Variants in GRM7 observed in about 807,000 individuals in gnomAD.
GRM7 encodes metabotropic glutamate receptor 7.
A neutral mutation model predicts 84.5 loss-of-function variants in GRM7; 35 were observed. The observed-to-expected ratio is 0.41, with a 90% confidence interval of 0.32 to 0.55. GRM7 has a LOEUF of 0.55. Ranked by LOEUF, GRM7 falls within the 20% of genes least tolerant of loss-of-function variation. The pLI, the probability that GRM7 is intolerant of heterozygous loss-of-function variation, is 0.19. For synonymous variants in GRM7, 487 were observed against 455.1 expected, an observed-to-expected ratio of 1.07 and a Z score of -0.89; for missense variants, 1,003 against 1,194.6, an observed-to-expected ratio of 0.84 and a Z score of 2.36.
chr3:7,533,517 T>C (rs1039996891), intron 7 of GRM7, among the ~76,000 whole-genome samples: 1 of 152,184 alleles, frequency 6.6e-6, no homozygotes, highest in Admixed American at 6.5e-5. Context: ...GGATGTTAGG[T>C]GCTTAAGGGC....
At chr3:7,649,401 T>C (rs13321020) in intron 8 of GRM7, among the ~76,000 whole-genome samples, 20,708 of 152,116 alleles carry the variant, frequency 0.14, 2,032 homozygotes, top group African/African-American at 0.28. Context: ...ATTCAAATTT[T>C]CTTTAAGTTA....
intron 3 of GRM7, among the ~76,000 whole-genome samples, chr3:7,304,083 G>A (rs942621675): frequency 9.2e-5 from 14 of 152,108 alleles, no homozygotes; most frequent in African/African-American, 3.4e-4. Flanking sequence ...ATCATACGTG[G>A]TAAAGAAGTG....
chr3:7,251,461 A>T (rs1408296711), intron 2 of GRM7, among the ~76,000 whole-genome samples: 1 of 152,224 alleles, frequency 6.6e-6, no homozygotes, highest in Non-Finnish European at 1.5e-5. Context: ...GAAAATATGC[A>T]TAAAAATACA....
intron 8 of GRM7, among the ~76,000 whole-genome samples, chr3:7,594,540 C>T (rs192755386): frequency 4.5e-4 from 69 of 152,200 alleles, no homozygotes; most frequent in Non-Finnish European, 5.9e-4. Context: ...ATTTGTTTTT[C>T]ACCATCCTCT....
chr3:7,131,596 G>A (rs1168054048), intron 1 of GRM7, among the ~76,000 whole-genome samples: 6 of 151,710 alleles, frequency 4.0e-5, no homozygotes, highest in African/African-American at 1.2e-4. Context: ...CTCCTGCCTC[G>A]GCCTCCTGAG....
chr3:7,577,123 C>T (rs1464138670), intron 7 of GRM7, among the ~76,000 whole-genome samples: 3 of 152,146 alleles, frequency 2.0e-5, no homozygotes, highest in Non-Finnish European at 2.9e-5. Context: ...CAGAAAAAGT[C>T]AAGAAATTAA....
At chr3:7,399,200 TAATAATAATAATAA>T (rs1437529885) in intron 4 of GRM7, among the ~76,000 whole-genome samples, 13 of 148,434 alleles carry the variant, frequency 8.8e-5, no homozygotes, top group African/African-American at 3.3e-4. Context: ...ATAATAATAA[TAATAATAATAATAA>T]AATGTCCTCA....
At chr3:7,225,706 T>A (rs985801919) in intron 2 of GRM7, among the ~76,000 whole-genome samples, 1 of 151,810 alleles carries the variant, frequency 6.6e-6, no homozygotes, top group African/African-American at 2.4e-5. Context: ...AGTTTGCTTG[T>A]ACATTAAGTA....
intron 1 of GRM7, among the ~76,000 whole-genome samples, chr3:7,085,052 A>T (rs1698405094): frequency 6.6e-6 from 1 of 152,128 alleles, no homozygotes; most frequent in African/African-American, 2.4e-5. Flanking sequence ...TCCATATCTG[A>T]TTTAATAGCT....
intron 3 of GRM7, among the ~76,000 whole-genome samples, chr3:7,300,123 A>G (rs1426250223): frequency 6.6e-6 from 1 of 152,166 alleles, no homozygotes; most frequent in African/African-American, 2.4e-5. Flanking sequence ...ATTGATGTGA[A>G]AGAGCTGTTT....
intron 2 of GRM7, among the ~76,000 whole-genome samples, chr3:7,241,270 G>A (rs868624954): frequency 5.5e-4 from 84 of 152,170 alleles, no homozygotes; most frequent in Middle Eastern, 3.2e-3. Flanking sequence ...GGATAAGGGT[G>A]TCTATATGGA....
At chr3:7,547,654 A>G (rs2125022074) in intron 7 of GRM7, among the ~76,000 whole-genome samples, 1 of 152,312 alleles carries the variant, frequency 6.6e-6, no homozygotes, top group South Asian at 2.1e-4. Flanking sequence ...AGATATCAGT[A>G]ATTTTTAAAG....
chr3:6,887,692 C>T lies in GRM7; in HGVS notation c.519+25785C>T, dbSNP rs187925952. Among the ~76,000 whole-genome samples, 60 of 152,186 alleles carry T rather than the reference C, an allele frequency of 3.9e-4. 1 individual carries two copies. The East Asian group carries it at 7.5e-3, about 19-fold the overall frequency. On this transcript the variant is annotated intron_variant, in intron 1 of 9. Transcript: ENST00000357716. Reference sequence around the variant, plus strand: ...TGTGAAGAGTGCTGCAATAAACATACGTGTGCATGTGTTTTTATAGCAGCA... The same window carrying T: ...TGTGAAGAGTGCTGCAATAAACATATGTGTGCATGTGTTTTTATAGCAGCA...
intron 5 of GRM7, among the ~76,000 whole-genome samples, chr3:7,427,769 T>C (rs1368963310): frequency 6.6e-6 from 1 of 152,104 alleles, no homozygotes; most frequent in Non-Finnish European, 1.5e-5. Context: ...TTTGCTATTT[T>C]ATAAGTGAGT....
intron 1 of GRM7, among the ~76,000 whole-genome samples, chr3:7,062,487 G>A (rs1256301612): frequency 6.6e-6 from 1 of 151,616 alleles, no homozygotes; most frequent in Non-Finnish European, 1.5e-5. Flanking sequence ...AGCTATAAAG[G>A]AACAATAAAT....
At chr3:7,501,066 G>A (rs1384857266) in intron 7 of GRM7, among the ~76,000 whole-genome samples, 2 of 152,158 alleles carry the variant, frequency 1.3e-5, no homozygotes, top group African/African-American at 4.8e-5. Flanking sequence ...GATAACTAAT[G>A]TAACAGCTGA....
chr3:7,367,053 G>A (rs1692683862), intron 4 of GRM7, among the ~76,000 whole-genome samples: 1 of 151,772 alleles, frequency 6.6e-6, no homozygotes, highest in African/African-American at 2.4e-5. Flanking sequence ...TGGGTTACTG[G>A]TCTTCTCTGA....
At position 7,353,308 on chromosome 3, in the gene GRM7, G is replaced by A. The variant is rs190109036; in HGVS notation, c.1033+46656G>A. 7.6e-4 allele frequency among the ~76,000 whole-genome samples: 116 copies of A among 152,246 alleles called. 1 individual carries two copies. The highest frequency in any genetic ancestry group is 7.5e-3 in the Admixed American group (114 of 15,280). ...GAAATCCAGGAAACATGTAACCTGTGTGGGAATGGTAGGAATGAATATTAA... is the reference window on the plus strand; with the variant it reads ...GAAATCCAGGAAACATGTAACCTGTATGGGAATGGTAGGAATGAATATTAA... On this transcript the variant is annotated intron_variant, in intron 4 of 9. Coordinates refer to ENST00000357716, the MANE Select transcript of GRM7 (RefSeq NM_000844.4).
chr3:7,725,929 G>A (rs1234569878), intron 9 of GRM7, among the ~76,000 whole-genome samples: 1 of 152,158 alleles, frequency 6.6e-6, no homozygotes, highest in African/African-American at 2.4e-5. Context: ...AGGGGGAGAA[G>A]TCTCTCATAG....
Sources: gnomAD v4.1 joint callset for allele counts (sites outside exome capture counted in the v4.1 genomes callset) on GRCh38, gnomAD v4.1.1 for gene constraint, MANE v1.5 for transcripts, NCBI Gene and HGNC (gene_info 2026-07-23, HGNC 2026-07-21) for gene names.